Variants in IL31RA observed in about 807,000 individuals in gnomAD.
IL31RA encodes the protein interleukin-31 receptor subunit alpha.
A neutral mutation model predicts 83.7 loss-of-function variants in IL31RA; 66 were observed. The observed-to-expected ratio is 0.79, with a 90% CI of 0.65 to 0.97. IL31RA has a LOEUF of 0.97. IL31RA is among the 50% of genes least tolerant of loss of function. The pLI, the probability that IL31RA is intolerant of heterozygous loss-of-function variation, is 0.00. For missense variants in IL31RA, 798 were observed against 919.4 expected, an observed-to-expected ratio of 0.87 and a Z score of 1.71; for synonymous variants, 325 against 329.0, an observed-to-expected ratio of 0.99 and a Z score of 0.13.
intron 5 of IL31RA, among the ~76,000 whole-genome samples, chr5:55,886,784 A>G (rs1245949416): frequency 1.3e-5 from 2 of 151,988 alleles, no homozygotes; most frequent in Non-Finnish European, 2.9e-5. Flanking sequence ...CCCTTGCATC[A>G]TGTTCTCTCA....
At chr5:55,901,562 T>G (rs1198408829) in intron 8 of IL31RA, among the ~76,000 whole-genome samples, 1 of 150,052 alleles carries the variant, frequency 6.7e-6, no homozygotes, top group African/African-American at 2.5e-5. Context: ...AAATGCTTTG[T>G]CTGGTGCTAA....
At chr5:55,912,234 C>G (rs1020738445) in intron 12 of IL31RA, among the ~76,000 whole-genome samples, 1 of 152,212 alleles carries the variant, frequency 6.6e-6, no homozygotes, top group African/African-American at 2.4e-5. Flanking sequence ...GAATTCTCTG[C>G]TTAAAAGCCA....
At chr5:55,843,111 G>A in the IL31RA span, among the ~76,000 whole-genome samples, 1 of 152,104 alleles carries the variant, frequency 6.6e-6, no homozygotes, top group South Asian at 2.1e-4. Flanking sequence ...CACTTTACAT[G>A]TTTATCTTAG....
rs73118482 is a variant in IL31RA, at chr5:55,897,445, G to A, written c.852+1016G>A. On this transcript the variant is annotated intron_variant, in intron 7 of 14. Coordinates refer to ENST00000652347, the MANE Select transcript of IL31RA (RefSeq NM_139017.7). ...AGGAAACGATCACTGACCAGCCTCTGCTGGAAGGCAGCGTAAGTCTCCGGA... is the reference window on the plus strand; with the variant it reads ...AGGAAACGATCACTGACCAGCCTCTACTGGAAGGCAGCGTAAGTCTCCGGA... 3.6e-3 allele frequency among the ~76,000 whole-genome samples: 554 copies of A among 152,204 alleles called. 1 individual carries two copies. The highest frequency in any genetic ancestry group is 0.013 in the African/African-American group (526 of 41,526).
the IL31RA span, among the ~76,000 whole-genome samples, chr5:55,843,680 G>A: frequency 2.0e-5 from 3 of 152,086 alleles, no homozygotes; most frequent in South Asian, 2.1e-4. Context: ...GGACTGTTAT[G>A]TCTTCTTGGA....
chr5:55,848,989 C>G (rs544279621), upstream of IL31RA, among the ~76,000 whole-genome samples: 12 of 152,368 alleles, frequency 7.9e-5, no homozygotes, highest in East Asian at 2.1e-3. Context: ...GTTGAGGTGT[C>G]AGACTGAGAA....
intron 14 of IL31RA, among the ~76,000 whole-genome samples, chr5:55,915,175 G>A (rs1341975650): frequency 6.6e-6 from 1 of 152,190 alleles, no homozygotes. Flanking sequence ...GTTCCCAGGT[G>A]GAACTGGTCC....
intron 2 of IL31RA, among the ~76,000 whole-genome samples, chr5:55,863,028 A>G (rs1023700632): frequency 6.6e-6 from 1 of 152,254 alleles, no homozygotes. Flanking sequence ...AGGCTCTGCC[A>G]GCCAAGGCAG....
At position 55,883,025 on chromosome 5, in the gene IL31RA, G is replaced by C; in HGVS notation, c.455-19G>C. The C allele has an allele frequency of 6.2e-7, 1 of 1,612,570 alleles. No individual in the cohort carries two copies. The highest frequency in any genetic ancestry group is 8.5e-7 in the Non-Finnish European group (1 of 1,179,112). ...TTATCTTTTTGCAGATATGAGAGTT[G>C]TATGATTTTTATTTTCAGCGAAAAC... On this transcript the variant is annotated intron_variant, in intron 4 of 14. Transcript: ENST00000652347.
chr5:55,906,415 A>G, intron 9 of IL31RA, 127 bp downstream of exon 9: 1 of 901,576 alleles, frequency 1.1e-6, no homozygotes, highest in Non-Finnish European at 1.8e-6. Flanking sequence ...AGCTTGTGCA[A>G]GCTTAATGAA....
At chr5:55,869,776 T>A (rs1358842938) in intron 3 of IL31RA, among the ~76,000 whole-genome samples, 1 of 152,166 alleles carries the variant, frequency 6.6e-6, no homozygotes. Flanking sequence ...GCCTGTCCTT[T>A]TTAACAAAAA....
intron 14 of IL31RA, among the ~76,000 whole-genome samples, chr5:55,915,638 A>G (rs1461158474): frequency 6.6e-6 from 1 of 151,406 alleles, no homozygotes; most frequent in Non-Finnish European, 1.5e-5. Flanking sequence ...GTTCCCACTC[A>G]GAAGTCTTTT....
At chr5:55,847,276 TAAATAAATAAAA>T (rs1744957641), upstream of IL31RA, among the ~76,000 whole-genome samples, 1 of 137,292 alleles carries the variant, frequency 7.3e-6, no homozygotes, top group Non-Finnish European at 1.6e-5. Context: ...AATAAATAAA[TAAATAAATAAAA>T]AGAAAAGAAA....
At chr5:55,886,636 T>A (rs1198970096) in intron 5 of IL31RA, among the ~76,000 whole-genome samples, 1 of 152,184 alleles carries the variant, frequency 6.6e-6, no homozygotes, top group African/African-American at 2.4e-5. Flanking sequence ...AACCCAACTC[T>A]GCTCTTCCCA....
chr5:55,883,882 A>G (rs1007471313), intron 5 of IL31RA, among the ~76,000 whole-genome samples: 2 of 152,182 alleles, frequency 1.3e-5, no homozygotes, highest in Non-Finnish European at 2.9e-5. Context: ...TGTATTTTCT[A>G]ATGTTTGGCT....
rs1372779313 is a variant in IL31RA at position 55,916,897 on chromosome 5, T to A, written c.2072T>A (p.Val691Asp). Reference sequence around the variant, plus strand: ...GGGAAAAGTTTTGAGGAGCTCCCAGTTTCACCTGAGATTCCGCCCAGAAAA... The same window carrying A: ...GGGAAAAGTTTTGAGGAGCTCCCAGATTCACCTGAGATTCCGCCCAGAAAA... ...PLGKSFEELP[V>D]SPEIPPRKSQ... The change falls in exon 15 of 15, where the codon GTT (valine) becomes GAT (aspartate). Residue 691 changes from valine (V) to aspartate (D), a missense_variant. Val to Asp is a radical substitution (Grantham distance 152). Transcript: ENST00000652347. 1 of 1,613,928 alleles carries A rather than the reference T, an allele frequency of 6.2e-7. No homozygotes were observed. The highest frequency in any genetic ancestry group is 8.5e-7 in the Non-Finnish European group (1 of 1,179,968).
chr5:55,848,673 A>G (rs1352148487), upstream of IL31RA, among the ~76,000 whole-genome samples: 1 of 152,200 alleles, frequency 6.6e-6, no homozygotes, highest in Non-Finnish European at 1.5e-5. Flanking sequence ...TTTCTTTTAG[A>G]TAAATATCTA....
upstream of IL31RA, among the ~76,000 whole-genome samples, chr5:55,850,871 A>C (rs1019856255): frequency 6.6e-6 from 1 of 152,076 alleles, no homozygotes; most frequent in Non-Finnish European, 1.5e-5. Context: ...CAGGTGGATC[A>C]CCTGAGGTCA....
At chr5:55,907,310 C>G (rs72763884) in intron 9 of IL31RA, 49 bp from the exon 10 acceptor site, 3 of 1,083,564 alleles carry the variant, frequency 2.8e-6, no homozygotes, top group Middle Eastern at 2.0e-4. Flanking sequence ...GTATTCCCCC[C>G]ACTCTGCCGT....
Sources: allele counts gnomAD v4.1 joint callset (sites outside exome capture counted in the v4.1 genomes callset), GRCh38; gene constraint gnomAD v4.1.1; transcripts MANE v1.5; gene names NCBI Gene and HGNC (gene_info 2026-07-23, HGNC 2026-07-21).